Variants in TSHZ2 observed in about 807,000 individuals in gnomAD.
TSHZ2 encodes the protein teashirt homolog 2.
Under a neutral mutation model 74.4 loss-of-function variants are expected in TSHZ2, and 21 were observed. That is an observed-to-expected ratio of 0.28 (90% CI 0.20 to 0.41). The LOEUF (loss-of-function observed/expected upper bound fraction) is 0.41, where lower values mean the gene tolerates loss of function less well. TSHZ2 is among the 10% of genes least tolerant of loss of function. TSHZ2 has a pLI of 1.00. For synonymous variants in TSHZ2, 540 were observed against 515.3 expected, an observed-to-expected ratio of 1.05 and a Z score of -0.65; for missense variants, 1,244 against 1,293.5, an observed-to-expected ratio of 0.96 and a Z score of 0.59.
intron 2 of TSHZ2, among the ~76,000 whole-genome samples, chr20:53,461,251 T>C (rs981530061): frequency 1.3e-5 from 2 of 151,956 alleles, no homozygotes; most frequent in Non-Finnish European, 2.9e-5. Context: ...TGGTGCGCCG[T>C]TTTTTAAGCC....
At chr20:53,297,082 C>T (rs1248912277) in intron 2 of TSHZ2, among the ~76,000 whole-genome samples, 4 of 152,162 alleles carry the variant, frequency 2.6e-5, no homozygotes, top group African/African-American at 7.2e-5. Context: ...GCTGGCAAGT[C>T]ATATCACCTT....
At chr20:53,015,648 G>A (rs572340411) in intron 1 of TSHZ2, among the ~76,000 whole-genome samples, 9 of 152,218 alleles carry the variant, frequency 5.9e-5, no homozygotes, top group African/African-American at 1.9e-4. Context: ...TAAGTTCTAT[G>A]TTAAAATATA....
At chr20:53,065,760 C>T (rs1984965062) in intron 1 of TSHZ2, among the ~76,000 whole-genome samples, 1 of 152,192 alleles carries the variant, frequency 6.6e-6, no homozygotes, top group Non-Finnish European at 1.5e-5. Flanking sequence ...ATATAGGTCT[C>T]TAGCCCAAAT....
intron 1 of TSHZ2, among the ~76,000 whole-genome samples, chr20:53,240,158 G>GA (rs1487049008): frequency 1.3e-5 from 2 of 152,082 alleles, no homozygotes; most frequent in Non-Finnish European, 2.9e-5. Flanking sequence ...GTTCTTATAT[G>GA]AAAATAGGAA....
intron 2 of TSHZ2, among the ~76,000 whole-genome samples, chr20:53,415,815 C>CAT (rs1273009794): frequency 1.5e-5 from 1 of 68,560 alleles, no homozygotes. Flanking sequence ...CACACACACA[C>CAT]ACACACGCAC....
intron 2 of TSHZ2, among the ~76,000 whole-genome samples, chr20:53,356,992 G>T (rs1321350274): frequency 6.6e-6 from 1 of 152,176 alleles, no homozygotes; most frequent in Non-Finnish European, 1.5e-5. Flanking sequence ...TTTTTCTCAA[G>T]GGACCTAAAG....
chr20:53,257,236 T>G (rs1990501932), intron 2 of TSHZ2, among the ~76,000 whole-genome samples: 1 of 152,240 alleles, frequency 6.6e-6, no homozygotes, highest in African/African-American at 2.4e-5. Flanking sequence ...TTGCAGAACA[T>G]TGAGATGAAA....
At position 53,491,950 on chromosome 20, in the gene TSHZ2, T is replaced by C. The variant is rs1986458077; in HGVS notation, c.*4815T>C. On this transcript the variant is annotated 3_prime_UTR_variant, in exon 3 of 3. Transcript: ENST00000371497. ...AGACAGATTAAATATTCACAGCCTT[T>C]GTATCATGGTTATTTGCTTAAAACA... 6.6e-6 allele frequency: 1 copy of C among 152,118 alleles called. No individual in the cohort carries two copies. Among genetic ancestry groups the C allele is most frequent in the Non-Finnish European group, 1.5e-5 (1 of 68,022 alleles). 9.4% of individuals were successfully genotyped at this position (152,118 alleles called of 1,614,324 possible). A position where few individuals can be genotyped will look rare whatever the true frequency, so the allele number is the denominator to read the frequency against.
At chr20:53,226,452 G>GTA (rs1187843673) in intron 1 of TSHZ2, among the ~76,000 whole-genome samples, 1 of 152,000 alleles carries the variant, frequency 6.6e-6, no homozygotes. Context: ...GTGTGTGTGT[G>GTA]TATGTGTAAC....
chr20:53,221,302 C>T (rs1019230041), intron 1 of TSHZ2, among the ~76,000 whole-genome samples: 3 of 152,176 alleles, frequency 2.0e-5, no homozygotes, highest in African/African-American at 7.2e-5. Context: ...TCTTTATCAG[C>T]AGCATGAGAA....
At chr20:53,465,281 G>GTA (rs1470573397) in intron 2 of TSHZ2, among the ~76,000 whole-genome samples, 2 of 151,990 alleles carry the variant, frequency 1.3e-5, no homozygotes, top group Non-Finnish European at 2.9e-5. Flanking sequence ...GTGTGTGTGT[G>GTA]TGTGTGTGAG....
chr20:53,416,469 C>G (rs1309136798), intron 2 of TSHZ2, among the ~76,000 whole-genome samples: 1 of 152,208 alleles, frequency 6.6e-6, no homozygotes, highest in Admixed American at 6.5e-5. Flanking sequence ...TTTCTAATCT[C>G]TGTAGCCTCT....
intron 1 of TSHZ2, among the ~76,000 whole-genome samples, chr20:53,220,033 C>A (rs1323786877): frequency 6.6e-6 from 1 of 152,106 alleles, no homozygotes; most frequent in Non-Finnish European, 1.5e-5. Context: ...TAAGGTGAAG[C>A]CTGACTGTGA....
rs181092428 is a variant in TSHZ2 at position 53,094,641 on chromosome 20, C to T, written c.40+121308C>T. 7.9e-5 allele frequency among the ~76,000 whole-genome samples: 12 copies of T among 152,340 alleles called. No individual in the cohort carries two copies. The East Asian group carries it at 1.2e-3, about 15-fold the overall frequency. ...CTGGCGTACTCTTGCTAACCTTCCA[C>T]ACAGCGTGCTGAGAGTCTGATGTGA... On this transcript the variant is annotated intron_variant, in intron 1 of 2. Transcript: ENST00000371497.
chr20:53,079,711 G>A (rs1489400149), intron 1 of TSHZ2, among the ~76,000 whole-genome samples: 3 of 152,166 alleles, frequency 2.0e-5, no homozygotes, highest in Non-Finnish European at 4.4e-5. Flanking sequence ...TGTATTGAGT[G>A]CTGACTGTGC....
At chr20:52,988,545 T>C (rs1453638903) in intron 1 of TSHZ2, among the ~76,000 whole-genome samples, 1 of 151,422 alleles carries the variant, frequency 6.6e-6, no homozygotes, top group Non-Finnish European at 1.5e-5. Context: ...GGCCATGAAC[T>C]GAAATTTAGT....
intron 1 of TSHZ2, among the ~76,000 whole-genome samples, chr20:53,219,797 C>A (rs531939497): frequency 6.6e-6 from 1 of 152,294 alleles, no homozygotes; most frequent in Admixed American, 6.5e-5. Flanking sequence ...ATTGGTGACA[C>A]CTTTTGATTT....
chr20:53,280,347 A>G (rs1013234745), intron 2 of TSHZ2, among the ~76,000 whole-genome samples: 8 of 152,214 alleles, frequency 5.3e-5, no homozygotes, highest in African/African-American at 1.9e-4. Flanking sequence ...AATTTATATC[A>G]TAAAACTCAA....
intron 1 of TSHZ2, among the ~76,000 whole-genome samples, chr20:53,247,092 ATTTG>A (rs1270442840): frequency 1.3e-5 from 2 of 152,192 alleles, no homozygotes; most frequent in South Asian, 2.1e-4. Flanking sequence ...AAAGAATTCT[ATTTG>A]TTTGGTTCTG....
Sources: gnomAD v4.1 joint callset for allele counts (sites outside exome capture counted in the v4.1 genomes callset) on GRCh38, gnomAD v4.1.1 for gene constraint, MANE v1.5 for transcripts, NCBI Gene and HGNC (gene_info 2026-07-23, HGNC 2026-07-21) for gene names.